The following ZBTB2 variants were observed in gnomAD, a reference collection of about 807,000 sequenced individuals.
ZBTB2 encodes zinc finger and BTB domain-containing protein 2.
In ZBTB2, 2 loss-of-function variants were observed where a neutral mutation model predicts 39.5. The ratio of observed to expected loss-of-function variants is 0.05; its 90% CI spans 0.02 to 0.16. The LOEUF is 0.16. ZBTB2 is among the 10% of genes least tolerant of loss of function. ZBTB2 has a pLI of 1.00. For missense variants in ZBTB2, 391 were observed against 653.0 expected (o/e 0.60, Z 4.37); for synonymous variants, 251 against 256.6 (o/e 0.98, Z 0.21).
At chr6:151,378,444 G>A (rs1317237685) in intron 1 of ZBTB2, among the ~76,000 whole-genome samples, 1 of 152,188 alleles carries the variant, frequency 6.6e-6, no homozygotes, top group Non-Finnish European at 1.5e-5. Context: ...ACTCAGGTTA[G>A]GAAGGAGAGG....
intron 1 of ZBTB2, among the ~76,000 whole-genome samples, chr6:151,375,099 G>C (rs773465528): frequency 1.4e-4 from 22 of 152,048 alleles, no homozygotes; most frequent in Non-Finnish European, 2.6e-4. Flanking sequence ...CAGCCTGGGT[G>C]ACACAGCGAG....
chr6:151,390,096 G>C (rs1186480598), intron 1 of ZBTB2, among the ~76,000 whole-genome samples: 1 of 152,124 alleles, frequency 6.6e-6, no homozygotes, highest in African/African-American at 2.4e-5. Flanking sequence ...GGCCAAACCG[G>C]GCTGTATCGC....
At chr6:151,376,843 C>T (rs1353745816) in intron 1 of ZBTB2, among the ~76,000 whole-genome samples, 3 of 152,276 alleles carry the variant, frequency 2.0e-5, no homozygotes, top group Non-Finnish European at 2.9e-5. Flanking sequence ...CACTCCTGGA[C>T]GTTTATCCCA....
chr6:151,365,669 T>G lies in ZBTB2; in HGVS notation c.1397A>C (p.His466Pro). The G allele has an allele frequency of 3.1e-6, 5 of 1,614,240 alleles. No homozygotes were observed. The highest frequency in any genetic ancestry group is 4.2e-6 in the Non-Finnish European group (5 of 1,180,042). Residue 466 changes from histidine (H) to proline (P), a missense_variant, in exon 3 of 3, where the codon CAT (histidine) becomes CCT (proline). Transcript: ENST00000325144. This position sits in a 1 kb window ranked among gnomAD's most constrained non-coding sequence, Gnocchi z 5.6. ...TFSTPNEVVK[H>P]SCQNQNSDVF... ...ATCCGAGTTCTGGTTTTGGCATGAATGTTTAACAACCTCATTGGGAGTGGA... is the reference window on the plus strand; with the variant it reads ...ATCCGAGTTCTGGTTTTGGCATGAAGGTTTAACAACCTCATTGGGAGTGGA...
intron 2 of ZBTB2, chr6:151,370,054 G>A: frequency 1.0e-6 from 1 of 961,248 alleles, no homozygotes; most frequent in African/African-American, 1.8e-5. Flanking sequence ...GCCAGACTTT[G>A]GTCTTTTCCC....
chr6:151,373,867 AAAAAAAAAAAC>A (rs1353600349), intron 1 of ZBTB2, among the ~76,000 whole-genome samples: 2 of 149,016 alleles, frequency 1.3e-5, no homozygotes, highest in African/African-American at 4.9e-5. Context: ...AAAAAAAAAA[AAAAAAAAAAAC>A]CAGATGATGC....
intron 1 of ZBTB2, among the ~76,000 whole-genome samples, chr6:151,382,551 G>C (rs1779058777): frequency 7.3e-6 from 1 of 136,244 alleles, no homozygotes; most frequent in African/African-American, 2.8e-5. Flanking sequence ...CACTGCGCCT[G>C]GTCTTTTTTT....
chr6:151,368,696 T>G (rs574612648), intron 2 of ZBTB2, among the ~76,000 whole-genome samples: 2 of 151,980 alleles, frequency 1.3e-5, no homozygotes, highest in Non-Finnish European at 2.9e-5. Flanking sequence ...TCAGGTGATC[T>G]GCCCACCTCG....
At chr6:151,381,950 G>A (rs746767186) in intron 1 of ZBTB2, among the ~76,000 whole-genome samples, 10 of 152,192 alleles carry the variant, frequency 6.6e-5, no homozygotes, top group Non-Finnish European at 1.3e-4. Context: ...GAAATGCATC[G>A]TCAGGCAATT....
intron 1 of ZBTB2, among the ~76,000 whole-genome samples, chr6:151,375,543 C>A (rs1444152577): frequency 1.3e-5 from 2 of 152,120 alleles, no homozygotes; most frequent in African/African-American, 4.8e-5. Context: ...GGCAAAGGAA[C>A]TAGAATAGCT....
At chr6:151,391,108 C>A (rs1187012698) in intron 1 of ZBTB2, among the ~76,000 whole-genome samples, 1 of 150,126 alleles carries the variant, frequency 6.7e-6, no homozygotes, top group Admixed American at 6.6e-5. Context: ...GCCGCCGACT[C>A]GCCGCCGCCT....
intron 2 of ZBTB2, among the ~76,000 whole-genome samples, chr6:151,372,036 CAG>C (rs1778798950): frequency 6.6e-6 from 1 of 152,086 alleles, no homozygotes; most frequent in African/African-American, 2.4e-5. Flanking sequence ...GTTCTGGAGA[CAG>C]AACAGTCAAG....
At chr6:151,368,055 T>C (rs1204137464) in intron 2 of ZBTB2, among the ~76,000 whole-genome samples, 1 of 152,282 alleles carries the variant, frequency 6.6e-6, no homozygotes, top group Admixed American at 6.5e-5. Context: ...TGAATGCTTT[T>C]AGAATTTATA....
At position 151,383,015 on chromosome 6, in the gene ZBTB2, T is replaced by A. The variant is rs189181996; in HGVS notation, c.-13+8405A>T. Among the ~76,000 whole-genome samples the A allele has an allele frequency of 6.6e-5, 10 of 151,792 alleles. No individual in the cohort carries two copies. In the East Asian group the frequency reaches 1.9e-3, roughly 29 times the overall value. ...ATCTCAGCTCACTTCAACCTCTGCC[T>A]CCTGGGTTCAAGCAATTCTCTGCCT... On this transcript the variant is annotated intron_variant, in intron 1 of 2. Coordinates refer to ENST00000325144, the MANE Select transcript of ZBTB2 (RefSeq NM_020861.3).
chr6:151,367,482 T>C (rs1462705101), intron 2 of ZBTB2, among the ~76,000 whole-genome samples: 1 of 152,202 alleles, frequency 6.6e-6, no homozygotes, highest in Non-Finnish European at 1.5e-5. Flanking sequence ...CCTTATCAAA[T>C]GCCACCATCA....
chr6:151,388,344 G>A (rs1296463784), intron 1 of ZBTB2, among the ~76,000 whole-genome samples: 43 of 152,310 alleles, frequency 2.8e-4, no homozygotes. Flanking sequence ...AACAGTAAGA[G>A]CTGGAAGGGC....
intron 1 of ZBTB2, among the ~76,000 whole-genome samples, chr6:151,387,865 T>A (rs990609335): frequency 6.6e-6 from 1 of 152,210 alleles, no homozygotes; most frequent in Non-Finnish European, 1.5e-5. Flanking sequence ...GGCTGCCAAC[T>A]CCTTGTAAGG....
intron 2 of ZBTB2, among the ~76,000 whole-genome samples, chr6:151,368,032 AAGAC>A (rs1417155402): frequency 6.6e-6 from 1 of 152,260 alleles, no homozygotes; most frequent in African/African-American, 2.4e-5. Flanking sequence ...TTCAAATTCA[AAGAC>A]AGCTTCCTTG....
Position 151,366,165 on chromosome 6 carries a change from C to T in ZBTB2, c.901G>A (p.Asp301Asn). The T allele has an allele frequency of 6.2e-7, 1 of 1,614,196 alleles. No individual in the cohort carries two copies. Among genetic ancestry groups the T allele is most frequent in the Non-Finnish European group, 8.5e-7 (1 of 1,180,048 alleles). Residue 301 changes from aspartate (D) to asparagine (N), a missense_variant, in exon 3 of 3, where the codon GAC becomes AAC. Physicochemically the swap from Asp to Asn is conservative, Grantham distance 23 (BLOSUM62 1). Around this residue, in one of 7 missense-constraint regions of ZBTB2, gnomAD observed 80 missense variants for 125.2 expected, o/e 0.64. Coordinates refer to ENST00000325144, the MANE Select transcript of ZBTB2 (RefSeq NM_020861.3). The surrounding 1 kb of genome is among the most constrained non-coding windows in gnomAD (Gnocchi z 7.1). The part of the protein sequence containing the change: ...VPLTLCSNAA[D>N]LGKDAMEVPE... ...ACTTCCATGGCATCTTTCCCGAGGT[C>T]AGCTGCATTGCTACAGAGAGTCAGG... is the stretch of plus-strand genomic sequence containing the variant.
Sources: allele counts gnomAD v4.1 joint callset (sites outside exome capture counted in the v4.1 genomes callset), GRCh38; gene constraint gnomAD v4.1.1; regional missense constraint gnomAD v4.1.1; non-coding constraint Gnocchi (gnomAD v3.1); transcripts MANE v1.5; gene names NCBI Gene and HGNC (gene_info 2026-07-23, HGNC 2026-07-21).